Variants in ZNF836 observed in about 807,000 individuals in gnomAD.
ZNF836 encodes zinc finger protein 836.
In ZNF836, 12 loss-of-function variants were observed where a neutral mutation model predicts 7.4. The observed-to-expected ratio is 1.61, with a 90% CI of 1.03 to 2.61. The LOEUF is 2.61. Among genes scored for constraint, ZNF836 ranks in the 30% most tolerant of loss-of-function variants. The probability of loss-of-function intolerance (pLI) is 0.00; values close to 1 mark genes in which losing one functional copy is unlikely to be tolerated. For synonymous variants in ZNF836, 365 were observed against 382.6 expected (o/e 0.95, Z 0.54); for missense variants, 998 against 1,126.2 (o/e 0.89, Z 1.63).
rs1363245972 is a variant in ZNF836 at position 52,171,592 on chromosome 19, G to T, written c.-471C>A. ...TGGGGCGGGAGAGGGGCCTGGGCGG[G>T]GTGCGACCCGCAAGGGAAAGGGCAG... On this transcript the variant is annotated 5_prime_UTR_variant, in exon 1 of 5. Coordinates refer to ENST00000682614, the MANE Select transcript of ZNF836 (RefSeq NM_001102657.3). The T allele has an allele frequency of 6.6e-6, 1 of 152,308 alleles. No individual in the cohort carries two copies. Among genetic ancestry groups the T allele is most frequent in the Non-Finnish European group, 1.5e-5 (1 of 68,130 alleles). The allele number at this position is 152,308 out of a possible 1,614,324, so 9.4% of individuals were successfully genotyped here.
chr19:52,154,433 G>T lies in ZNF836; in HGVS notation c.*439C>A, dbSNP rs1268656091. ...CCCAGCACTTTGGGAGGCCGAGGCAGGCAGATCACTAGGTCAAGAAATTGA... is the reference window on the plus strand; with the variant it reads ...CCCAGCACTTTGGGAGGCCGAGGCATGCAGATCACTAGGTCAAGAAATTGA... On this transcript the variant is annotated 3_prime_UTR_variant, in exon 5 of 5. Transcript: ENST00000682614. 6.6e-6 allele frequency among the ~76,000 whole-genome samples: 1 copy of T among 152,138 alleles called. No homozygotes were observed. Among genetic ancestry groups the T allele is most frequent in the Non-Finnish European group, 1.5e-5 (1 of 68,024 alleles).
intron 2 of ZNF836, among the ~76,000 whole-genome samples, chr19:52,169,129 C>T (rs1447629906): frequency 2.0e-5 from 3 of 152,104 alleles, no homozygotes. Flanking sequence ...AAAAAAATGA[C>T]AATACTTAAC....
At chr19:52,160,209 A>G (rs2089200791) in intron 4 of ZNF836, 2 of 465,496 alleles carry the variant, frequency 4.3e-6, no homozygotes, top group Non-Finnish European at 7.5e-6. Context: ...AAAAAAAAGT[A>G]CCATTATACT....
At chr19:52,171,076 G>T (rs1048340295) in intron 1 of ZNF836, 1 of 152,036 alleles carries the variant, frequency 6.6e-6, no homozygotes, top group Non-Finnish European at 1.5e-5. Context: ...GAGGAGAAGC[G>T]ACTCCTTCAG....
chr19:52,167,160 G>A (rs2089272206), intron 3 of ZNF836, among the ~76,000 whole-genome samples: 2 of 151,634 alleles, frequency 1.3e-5, no homozygotes, highest in African/African-American at 2.4e-5. Context: ...CTGACATTCA[G>A]GTTGATTTTA....
chr19:52,167,191 G>C (rs1600144227), intron 3 of ZNF836, among the ~76,000 whole-genome samples: 1 of 151,692 alleles, frequency 6.6e-6, no homozygotes, highest in African/African-American at 2.4e-5. Context: ...TCAATGATGG[G>C]CCAGGCACGG....
At chr19:52,164,777 G>T (rs1427338249) in intron 3 of ZNF836, among the ~76,000 whole-genome samples, 1 of 152,132 alleles carries the variant, frequency 6.6e-6, no homozygotes, top group Non-Finnish European at 1.5e-5. Flanking sequence ...AAACAAACAA[G>T]CTTTACTGAA....
chr19:52,165,820 C>G (rs953415993), intron 3 of ZNF836, among the ~76,000 whole-genome samples: 2 of 152,168 alleles, frequency 1.3e-5, no homozygotes, highest in African/African-American at 2.4e-5. Flanking sequence ...TGTTGAAGAT[C>G]TGGGGAAAAT....
In ZNF836 at chr19:52,157,217, GA is replaced by G. The variant is rs1322388681; in HGVS notation, c.465del (p.Gln156LysfsTer21). The G allele has an allele frequency of 6.2e-7, 1 of 1,611,288 alleles. No individual in the cohort carries two copies. Among genetic ancestry groups the G allele is most frequent in the Non-Finnish European group, 8.5e-7 (1 of 1,178,386 alleles). On this transcript the variant is annotated frameshift_variant, in exon 5 of 5. Coordinates refer to ENST00000682614, the MANE Select transcript of ZNF836 (RefSeq NM_001102657.3). LOFTEE classifies it low-confidence loss of function (END_TRUNC). ...CACTCATAAATTTTCCCTTCAGTTT[GA>G]AATTTCTGCAGTTCAGTCAGACGTG... ...FQSRLTELQK[F>X]QTEGKIYECN... is the part of the protein sequence containing the mutation.
rs1219917827 is a variant in ZNF836, at chr19:52,154,815, C to A, written c.*57G>T. ...ACCTCCAATAAAGGGGATTAAAATT[C>A]CACATGAGATTTCAGACGGAAGTGA... On this transcript the variant is annotated 3_prime_UTR_variant, in exon 5 of 5. Coordinates refer to ENST00000682614, the MANE Select transcript of ZNF836 (RefSeq NM_001102657.3). The A allele has an allele frequency of 7.1e-7, 1 of 1,406,468 alleles. No individual in the cohort carries two copies. Among genetic ancestry groups the A allele is most frequent in the Non-Finnish European group, 9.4e-7 (1 of 1,062,268 alleles). 87.1% of individuals were successfully genotyped at this position (1,406,468 alleles called of 1,614,324 possible). A position where few individuals can be genotyped will look rare whatever the true frequency, so the allele number is the denominator to read the frequency against.
rs559112614 is a variant in ZNF836, at chr19:52,155,470, G to A, written c.2213C>T (p.Thr738Met). Residue 738 changes from threonine (T) to methionine (M), a missense_variant, in exon 5 of 5, where the codon ACG becomes ATG. Coordinates refer to ENST00000682614, the MANE Select transcript of ZNF836 (RefSeq NM_001102657.3). ...TCCAGTATGCCTTCTCTGATGGTAC[G>A]TCAGGCCTGTTATATGACTAAAAGT... ...GRTFSHITGL[T>M]YHQRRHTGEM... The A allele has an allele frequency of 4.2e-5, 68 of 1,613,836 alleles. 1 individual carries two copies. The Admixed American group carries it at 7.8e-4, about 19-fold the overall frequency.
At chr19:52,165,985 T>TTTTTTA (rs926532676) in intron 3 of ZNF836, among the ~76,000 whole-genome samples, 1 of 152,150 alleles carries the variant, frequency 6.6e-6, no homozygotes, top group Non-Finnish European at 1.5e-5. Flanking sequence ...TTAATGTCCT[T>TTTTTTA]TTTTTATTTT....
At chr19:52,167,713 C>T (rs1452469516) in intron 3 of ZNF836, among the ~76,000 whole-genome samples, 1 of 152,076 alleles carries the variant, frequency 6.6e-6, no homozygotes, top group Admixed American at 6.6e-5. Flanking sequence ...TGTGCAGCTT[C>T]TCTACTTCTG....
chr19:52,167,243 G>A (rs1037127382), intron 3 of ZNF836, among the ~76,000 whole-genome samples: 5 of 151,588 alleles, frequency 3.3e-5, no homozygotes, highest in East Asian at 2.0e-4. Context: ...AGGCCGAGGC[G>A]GGAGGATCAC....
chr19:52,160,972 A>G (rs1244787687), intron 3 of ZNF836, among the ~76,000 whole-genome samples: 1 of 152,248 alleles, frequency 6.6e-6, no homozygotes, highest in Non-Finnish European at 1.5e-5. Context: ...GTCAGAAACT[A>G]AAAACTGTGA....
chr19:52,169,127 G>T (rs2089289084), intron 2 of ZNF836, among the ~76,000 whole-genome samples: 3 of 152,158 alleles, frequency 2.0e-5, no homozygotes, highest in Admixed American at 2.0e-4. Context: ...TTAAAAAAAT[G>T]ACAATACTTA....
intron 3 of ZNF836, chr19:52,160,796 G>C (rs2089206970): frequency 1.7e-6 from 1 of 571,486 alleles, no homozygotes; most frequent in Admixed American, 3.6e-5. Flanking sequence ...ATCAGTGTAG[G>C]CTTCTCATTT....
Position 52,169,634 on chromosome 19 carries a change from A to C in ZNF836, c.-81+14T>G, listed in dbSNP as rs564284168. Reference sequence around the variant, plus strand: ...AAAAAAAATAAGACTCTGAATACTCATACAAAGATATACCTCGTAGGCCTG... The same window carrying C: ...AAAAAAAATAAGACTCTGAATACTCCTACAAAGATATACCTCGTAGGCCTG... On this transcript the variant is annotated intron_variant, in intron 2 of 4. Coordinates refer to ENST00000682614, the MANE Select transcript of ZNF836 (RefSeq NM_001102657.3). 6.6e-6 allele frequency: 1 copy of C among 152,028 alleles called. No individual in the cohort carries two copies. Among genetic ancestry groups the C allele is most frequent in the Non-Finnish European group, 1.5e-5 (1 of 67,974 alleles). 9.4% of individuals were successfully genotyped at this position (152,028 alleles called of 1,614,324 possible).
At chr19:52,163,328 A>G (rs1977475834) in intron 3 of ZNF836, among the ~76,000 whole-genome samples, 1 of 152,204 alleles carries the variant, frequency 6.6e-6, no homozygotes, top group Non-Finnish European at 1.5e-5. Context: ...AATTTTCCAA[A>G]TCTTTACACT....
Sources: gnomAD v4.1 joint callset for allele counts (sites outside exome capture counted in the v4.1 genomes callset) on GRCh38, gnomAD v4.1.1 for gene constraint, MANE v1.5 for transcripts, NCBI Gene and HGNC (gene_info 2026-07-23, HGNC 2026-07-21) for gene names.